PRKN: variants seen among roughly 807,000 people sequenced by gnomAD.
PRKN encodes the protein parkin RBR E3 ubiquitin protein ligase, also known as E3 ubiquitin-protein ligase parkin.
PRKN carries 56 observed loss-of-function variants against 59.5 expected under a neutral mutation model. The ratio of observed to expected loss-of-function variants is 0.94; its 90% confidence interval spans 0.76 to 1.18. The LOEUF (loss-of-function observed/expected upper bound fraction) is 1.18. Ranked by LOEUF, PRKN falls within the 50% of genes most tolerant of loss-of-function variation. The probability of loss-of-function intolerance (pLI) is 0.00; values close to 1 mark genes in which losing one functional copy is unlikely to be tolerated. For missense variants in PRKN, 657 were observed against 596.4 expected (o/e 1.10, Z -1.06); for synonymous variants, 250 against 222.1 (o/e 1.13, Z -1.12).
intron 9 of PRKN, among the ~76,000 whole-genome samples, chr6:161,519,031 A>T (rs939925837): frequency 2.0e-5 from 3 of 152,244 alleles, no homozygotes; most frequent in Non-Finnish European, 1.5e-5. Context: ...ATAGACATTT[A>T]TAGCGCAATG....
At chr6:162,446,673 T>C (rs1790330641) in intron 1 of PRKN, among the ~76,000 whole-genome samples, 1 of 152,124 alleles carries the variant, frequency 6.6e-6, no homozygotes, top group African/African-American at 2.4e-5. Context: ...ACTAAAACAT[T>C]CGCATGAATA....
rs992170750 is a variant in PRKN, at chr6:161,858,938, T to A, written c.735-73030A>T. On this transcript the variant is annotated intron_variant, in intron 6 of 11. Transcript: ENST00000366898. ...GCACAGTGGCGTGATCTTGGCTCAC[T>A]GCAACCTCCGTCTCCTGGGTTCAAG... Among the ~76,000 whole-genome samples the A allele has an allele frequency of 5.0e-5, 6 of 119,402 alleles. No individual in the cohort carries two copies. The South Asian group carries it at 1.3e-3, about 26-fold the overall frequency. The allele number at this position is 119,402 out of a possible 152,430, so 78.3% of individuals were successfully genotyped here. A position where few individuals can be genotyped will look rare whatever the true frequency, so the allele number is the denominator to read the frequency against.
At chr6:162,720,606 G>A (rs944565467) in intron 1 of PRKN, among the ~76,000 whole-genome samples, 3 of 151,282 alleles carry the variant, frequency 2.0e-5, no homozygotes, top group Admixed American at 6.6e-5. Context: ...GCCCGCCACC[G>A]CGCCCGGCTA....
At chr6:162,180,003 T>C (rs922696785) in intron 4 of PRKN, among the ~76,000 whole-genome samples, 1 of 146,088 alleles carries the variant, frequency 6.8e-6, no homozygotes, top group Non-Finnish European at 1.5e-5. Context: ...TGTGTGTGTG[T>C]GTGTATGTGT....
intron 3 of PRKN, among the ~76,000 whole-genome samples, chr6:162,249,302 A>G (rs1779330036): frequency 1.3e-5 from 2 of 152,376 alleles, no homozygotes; most frequent in Middle Eastern, 3.4e-3. Flanking sequence ...CATAGGTTCA[A>G]TTAGGATTTG....
intron 5 of PRKN, among the ~76,000 whole-genome samples, chr6:161,998,143 T>C (rs1781914994): frequency 6.6e-6 from 1 of 152,146 alleles, no homozygotes; most frequent in South Asian, 2.1e-4. Context: ...TTTTGGGAAG[T>C]ATGAGATTTC....
At chr6:161,919,869 C>T (rs1778712620) in intron 6 of PRKN, among the ~76,000 whole-genome samples, 1 of 152,214 alleles carries the variant, frequency 6.6e-6, no homozygotes, top group Admixed American at 6.5e-5. Flanking sequence ...ACATTCCTAT[C>T]CTCCTTAGGA....
chr6:161,742,594 T>C (rs1429230743), intron 7 of PRKN, among the ~76,000 whole-genome samples: 2 of 152,222 alleles, frequency 1.3e-5, no homozygotes, highest in Non-Finnish European at 2.9e-5. Context: ...CTCTCCTTGA[T>C]GAAGCTCTCA....
intron 1 of PRKN, among the ~76,000 whole-genome samples, chr6:162,599,001 C>T (rs1211206235): frequency 6.6e-6 from 1 of 152,082 alleles, no homozygotes; most frequent in African/African-American, 2.4e-5. Context: ...TCCCTTTCTA[C>T]TCCTATACTG....
At chr6:162,579,096 T>C (rs1173442535) in intron 1 of PRKN, among the ~76,000 whole-genome samples, 1 of 152,194 alleles carries the variant, frequency 6.6e-6, no homozygotes, top group East Asian at 1.9e-4. Flanking sequence ...TTCTTTGACA[T>C]AGCAAATGAA....
intron 6 of PRKN, among the ~76,000 whole-genome samples, chr6:161,817,116 C>T (rs1262089647): frequency 2.6e-5 from 4 of 152,172 alleles, no homozygotes; most frequent in African/African-American, 4.8e-5. Context: ...TCTACCTTCC[C>T]GGTCCACTGC....
intron 7 of PRKN, among the ~76,000 whole-genome samples, chr6:161,783,029 G>A (rs1471639036): frequency 6.6e-6 from 1 of 152,056 alleles, no homozygotes; most frequent in Non-Finnish European, 1.5e-5. Context: ...AAAACAAACT[G>A]CAAAAATCTT....
intron 5 of PRKN, among the ~76,000 whole-genome samples, chr6:162,050,673 C>T (rs1222442347): frequency 6.6e-6 from 1 of 152,118 alleles, no homozygotes; most frequent in Non-Finnish European, 1.5e-5. Flanking sequence ...AGATAATGAC[C>T]TTGGCACAGG....
At chr6:161,676,071 A>G (rs1785074679) in intron 7 of PRKN, among the ~76,000 whole-genome samples, 1 of 152,178 alleles carries the variant, frequency 6.6e-6, no homozygotes, top group African/African-American at 2.4e-5. Flanking sequence ...GGCAGTGACT[A>G]CGATTCCTAA....
intron 5 of PRKN, among the ~76,000 whole-genome samples, chr6:162,023,574 C>A (rs1051924083): frequency 6.6e-6 from 1 of 152,160 alleles, no homozygotes; most frequent in Admixed American, 6.5e-5. Flanking sequence ...TCCTCGCCCT[C>A]TCCACGACTA....
chr6:162,639,751 T>G (rs61151728), intron 1 of PRKN, among the ~76,000 whole-genome samples: 2,282 of 149,174 alleles, frequency 0.015, 60 homozygotes, highest in African/African-American at 0.055. Context: ...CCTCAAAGAT[T>G]ATCTTTAAAG....
rs759161543 is a variant in PRKN at position 161,593,987 on chromosome 6, TAA to T, written c.872-24573_872-24572del. ...CAACATAGTGAAACCCCATCTCTAC[TAA>T]AAAAAAAAAACAAAAAACAAAAACC... is the stretch of plus-strand genomic sequence containing the variant. On this transcript the variant is annotated intron_variant, in intron 7 of 11. Coordinates refer to ENST00000366898, the MANE Select transcript of PRKN (RefSeq NM_004562.3). The surrounding 1 kb of genome is among the most constrained non-coding windows in gnomAD (Gnocchi z 4.8). 7.4e-6 allele frequency among the ~76,000 whole-genome samples: 1 copy of T among 135,276 alleles called. No homozygotes were observed. The allele number at this position is 135,276 out of a possible 152,430, so 88.7% of individuals were successfully genotyped here. A position where few individuals can be genotyped will look rare whatever the true frequency, so the allele number is the denominator to read the frequency against.
At chr6:161,752,170 G>A (rs781233964) in intron 7 of PRKN, among the ~76,000 whole-genome samples, 10 of 151,634 alleles carry the variant, frequency 6.6e-5, no homozygotes, top group Non-Finnish European at 1.3e-4. Flanking sequence ...AAGAGATCGA[G>A]ACCATCCTGG....
At chr6:161,853,464 G>A (rs1793517258) in intron 6 of PRKN, among the ~76,000 whole-genome samples, 1 of 152,162 alleles carries the variant, frequency 6.6e-6, no homozygotes, top group Non-Finnish European at 1.5e-5. Context: ...GGATATAATT[G>A]CTTTTGAAGT....
Sources: gnomAD v4.1 joint callset for allele counts (sites outside exome capture counted in the v4.1 genomes callset) on GRCh38, gnomAD v4.1.1 for gene constraint, Gnocchi (gnomAD v3.1) non-coding constraint, MANE v1.5 for transcripts, NCBI Gene and HGNC (gene_info 2026-07-23, HGNC 2026-07-21) for gene names.